The following CCDC85C variants were observed in gnomAD, a reference collection of about 807,000 sequenced individuals.
CCDC85C encodes coiled-coil domain containing 85C, also known as coiled-coil domain-containing protein 85C.
CCDC85C carries 18 observed loss-of-function variants against 38.3 expected under a neutral mutation model. The observed-to-expected ratio is 0.47, with a 90% CI of 0.33 to 0.70. The LOEUF is 0.70. Ranked by LOEUF, CCDC85C falls within the 30% of genes least tolerant of loss-of-function variation. The pLI is 0.03. For synonymous variants in CCDC85C, 264 were observed against 293.8 expected, an observed-to-expected ratio of 0.90 and a Z score of 1.04; for missense variants, 566 against 621.2, an observed-to-expected ratio of 0.91 and a Z score of 0.94.
chr14:99,552,406 C>T (rs756671944), intron 1 of CCDC85C, among the ~76,000 whole-genome samples: 2 of 152,192 alleles, frequency 1.3e-5, no homozygotes, highest in East Asian at 1.9e-4. Flanking sequence ...AAACCTGAGC[C>T]CCACAGTGCT....
Position 99,603,293 on chromosome 14 carries a change from C to A in CCDC85C, c.667G>T (p.Val223Phe). The A allele has an allele frequency of 7.3e-7, 1 of 1,375,956 alleles. No individual in the cohort carries two copies. Among genetic ancestry groups the A allele is most frequent in the Non-Finnish European group, 9.4e-7 (1 of 1,069,462 alleles). 85.2% of individuals were successfully genotyped at this position (1,375,956 alleles called of 1,614,324 possible). The change falls in exon 1 of 6, where the codon GTC becomes TTC. Residue 223 changes from valine (V) to phenylalanine (F), a missense_variant. Physicochemically the swap from Val to Phe is conservative, Grantham distance 50. This residue lies in a region of CCDC85C where 286 missense variants were observed against 276.4 expected (regional missense o/e 1.03). Transcript: ENST00000380243. The surrounding 1 kb of genome is among the most constrained non-coding windows in gnomAD (Gnocchi z 7.5). The part of the protein sequence containing the change: ...SGGSPDHHHH[V>F]PPPLLPPGPH... The stretch of plus-strand genomic sequence containing the variant: ...CCGGGGGGCAGCAGCGGGGGTGGGA[C>A]GTGGTGGTGGTGGTCGGGGCTGCCG...
intron 1 of CCDC85C, among the ~76,000 whole-genome samples, chr14:99,555,868 T>C (rs1898000392): frequency 1.3e-5 from 2 of 152,182 alleles, no homozygotes; most frequent in African/African-American, 2.4e-5. Context: ...CGTAATCAAG[T>C]TCACACCCCA....
At chr14:99,528,841 G>A (rs1216759307) in intron 2 of CCDC85C, among the ~76,000 whole-genome samples, 1 of 152,034 alleles carries the variant, frequency 6.6e-6, no homozygotes, top group Non-Finnish European at 1.5e-5. Flanking sequence ...GCGTGTTAGG[G>A]GGACGAGGGG....
At chr14:99,586,352 G>C (rs1441985821) in intron 1 of CCDC85C, among the ~76,000 whole-genome samples, 1 of 152,246 alleles carries the variant, frequency 6.6e-6, no homozygotes, top group Non-Finnish European at 1.5e-5. Flanking sequence ...GCCCCTCACA[G>C]GCAGCGGCAC....
chr14:99,597,077 T>C (rs1204998301), intron 1 of CCDC85C, among the ~76,000 whole-genome samples: 1 of 151,912 alleles, frequency 6.6e-6, no homozygotes, highest in East Asian at 1.9e-4. Context: ...CTGTGGCCAC[T>C]CTCCTGGCCA....
intron 1 of CCDC85C, among the ~76,000 whole-genome samples, chr14:99,602,391 C>T (rs1259437367): frequency 6.6e-6 from 1 of 152,240 alleles, no homozygotes; most frequent in Non-Finnish European, 1.5e-5. Context: ...ACGGCACTTC[C>T]TGTAAGGCGA....
intron 1 of CCDC85C, among the ~76,000 whole-genome samples, chr14:99,563,681 G>A (rs72706331): frequency 0.06 from 9,168 of 152,320 alleles, 349 homozygotes; most frequent in Middle Eastern, 0.092. Context: ...GCGGCATGGC[G>A]CTCACCAGCC....
chr14:99,540,532 G>A (rs1483783938), intron 1 of CCDC85C, among the ~76,000 whole-genome samples: 1 of 152,240 alleles, frequency 6.6e-6, no homozygotes, highest in Non-Finnish European at 1.5e-5. Flanking sequence ...AGGGTTTACA[G>A]TAATGAGTGC....
chr14:99,558,250 G>A lies in CCDC85C; in HGVS notation c.794-22162C>T, dbSNP rs187173439. ...TCACTCCACCTCCCTGCCACCTACC[G>A]TAGCAAGCCGAGCAGTGTCCTTCCA... On this transcript the variant is annotated intron_variant, in intron 1 of 5. Coordinates refer to ENST00000380243, the MANE Select transcript of CCDC85C (RefSeq NM_001144995.2). The surrounding 1 kb of genome is among the most constrained non-coding windows in gnomAD (Gnocchi z 4.2). Among the ~76,000 whole-genome samples, 17 of 152,320 alleles carry A rather than the reference G, an allele frequency of 1.1e-4. No homozygotes were observed. In the South Asian group the frequency reaches 2.5e-3, roughly 22 times the overall value.
At position 99,510,973 on chromosome 14, in the gene CCDC85C, G is replaced by A. The variant is rs1897117030; in HGVS notation, c.*4273C>T. On this transcript the variant is annotated 3_prime_UTR_variant, in exon 6 of 6. Transcript: ENST00000380243. ...AGAGGACGGGGACAACCAGCTTTCA[G>A]AGTAGCCTCATCAGTGCCCTTGCAG... is the stretch of plus-strand genomic sequence containing the variant. 2.3e-6 allele frequency: 1 copy of A among 433,808 alleles called. No individual in the cohort carries two copies. Among genetic ancestry groups the A allele is most frequent in the Non-Finnish European group, 3.9e-6 (1 of 255,646 alleles). The allele number at this position is 433,808 out of a possible 1,614,324, so 26.9% of individuals were successfully genotyped here. A position where few individuals can be genotyped will look rare whatever the true frequency, so the allele number is the denominator to read the frequency against.
intron 2 of CCDC85C, among the ~76,000 whole-genome samples, chr14:99,527,625 G>T (rs1282949911): frequency 6.6e-6 from 1 of 152,172 alleles, no homozygotes; most frequent in Non-Finnish European, 1.5e-5. Flanking sequence ...GCAGCCCAGG[G>T]TGCCTGGCAT....
Position 99,588,177 on chromosome 14 carries a change from C to T in CCDC85C, c.793+14990G>A, listed in dbSNP as rs745511458. 6.6e-6 allele frequency among the ~76,000 whole-genome samples: 1 copy of T among 152,124 alleles called. No individual in the cohort carries two copies. Among genetic ancestry groups the T allele is most frequent in the Non-Finnish European group, 1.5e-5 (1 of 68,040 alleles). On this transcript the variant is annotated intron_variant, in intron 1 of 5. Transcript: ENST00000380243. The surrounding 1 kb of genome is among the most constrained non-coding windows in gnomAD (Gnocchi z 5.0). Reference sequence around the variant, plus strand: ...GGTCTGGGGAGACAAGCATCTCAGCCGAACACAACAGTCACCCTGGGACAG... The same window carrying T: ...GGTCTGGGGAGACAAGCATCTCAGCTGAACACAACAGTCACCCTGGGACAG...
chr14:99,570,217 C>T (rs1201928513), intron 1 of CCDC85C, among the ~76,000 whole-genome samples: 1 of 152,228 alleles, frequency 6.6e-6, no homozygotes. Context: ...CTAGCATCTC[C>T]CCACTTTACC....
At chr14:99,536,137 T>C in intron 1 of CCDC85C, 49 bp from the exon 2 acceptor site, 2 of 1,281,186 alleles carry the variant, frequency 1.6e-6, no homozygotes, top group Non-Finnish European at 2.2e-6. Context: ...GCAGACTCCA[T>C]CCCCATTGCG....
chr14:99,521,550 C>G (rs929194793), intron 3 of CCDC85C, among the ~76,000 whole-genome samples: 2 of 152,230 alleles, frequency 1.3e-5, no homozygotes, highest in African/African-American at 4.8e-5. Context: ...TACACACCCA[C>G]CAAGGCTCCT....
In CCDC85C at chr14:99,572,300, C is replaced by T. The variant is rs185693616; in HGVS notation, c.793+30867G>A. ...ATGGGTCTTTTCATGCCATCACTGC[C>T]GTCTCCTCCCCGCTACTTTCCCCAA... On this transcript the variant is annotated intron_variant, in intron 1 of 5. Transcript: ENST00000380243. This position sits in a 1 kb window ranked among gnomAD's most constrained non-coding sequence, Gnocchi z 4.4. 2.7e-4 allele frequency among the ~76,000 whole-genome samples: 41 copies of T among 152,266 alleles called. No individual in the cohort carries two copies. The highest frequency in any genetic ancestry group is 6.8e-3 in the Middle Eastern group (2 of 294).
intron 1 of CCDC85C, among the ~76,000 whole-genome samples, chr14:99,566,217 C>A (rs1365912282): frequency 2.6e-5 from 4 of 152,146 alleles, no homozygotes; most frequent in Admixed American, 1.3e-4. Flanking sequence ...CTCACTCCTG[C>A]CAGTCAGCAT....
chr14:99,510,037 CAGA>C lies in CCDC85C; in HGVS notation c.*5206_*5208del. ...GGGCATGGGCCCATGCGTTGGGCCACAGAGGAGGCGGGCAGCTGCTCCCTGCTC... is the reference window on the plus strand; with the variant it reads ...GGGCATGGGCCCATGCGTTGGGCCACGGAGGCGGGCAGCTGCTCCCTGCTC... On this transcript the variant is annotated 3_prime_UTR_variant, in exon 6 of 6. Coordinates refer to ENST00000380243, the MANE Select transcript of CCDC85C (RefSeq NM_001144995.2). 1.0e-6 allele frequency: 1 copy of C among 1,002,834 alleles called. No homozygotes were observed. The highest frequency in any genetic ancestry group is 1.4e-6 in the Non-Finnish European group (1 of 699,164). 62.1% of individuals were successfully genotyped at this position (1,002,834 alleles called of 1,614,324 possible). A position where few individuals can be genotyped will look rare whatever the true frequency, so the allele number is the denominator to read the frequency against.
intron 1 of CCDC85C, among the ~76,000 whole-genome samples, chr14:99,571,556 G>A (rs935612518): frequency 1.2e-4 from 18 of 152,234 alleles, no homozygotes; most frequent in African/African-American, 4.3e-4. Flanking sequence ...AGCCACGTCT[G>A]CAGGGGAGCA....
Sources: allele counts gnomAD v4.1 joint callset (sites outside exome capture counted in the v4.1 genomes callset), GRCh38; gene constraint gnomAD v4.1.1; regional missense constraint gnomAD v4.1.1; non-coding constraint Gnocchi (gnomAD v3.1); transcripts MANE v1.5; gene names NCBI Gene and HGNC (gene_info 2026-07-23, HGNC 2026-07-21).